Variants in SLC24A3 observed in about 807,000 individuals in gnomAD.
SLC24A3 encodes solute carrier family 24 member 3, also known as sodium/potassium/calcium exchanger 3.
In SLC24A3, 28 loss-of-function variants were observed where a neutral mutation model predicts 75.8. The observed-to-expected ratio is 0.37, with a 90% CI of 0.27 to 0.51. The LOEUF is 0.51. Ranked by LOEUF, SLC24A3 falls within the 20% of genes least tolerant of loss-of-function variation. The pLI, the probability that SLC24A3 is intolerant of heterozygous loss-of-function variation, is 0.94. For missense variants in SLC24A3, 663 were observed against 847.8 expected (o/e 0.78, Z 2.71); for synonymous variants, 372 against 334.1 (o/e 1.11, Z -1.24).
At chr20:19,546,864 C>T (rs2328409) in intron 3 of SLC24A3, among the ~76,000 whole-genome samples, 96,198 of 151,986 alleles carry the variant, frequency 0.63, 33,046 homozygotes, top group Non-Finnish European at 0.76. Flanking sequence ...AAGCATCCCC[C>T]ACGCCTTCCC....
intron 2 of SLC24A3, among the ~76,000 whole-genome samples, chr20:19,335,081 A>G (rs1322846919): frequency 6.6e-6 from 1 of 152,216 alleles, no homozygotes; most frequent in African/African-American, 2.4e-5. Flanking sequence ...GGACTGGAAT[A>G]TGACTGAAGA....
intron 2 of SLC24A3, among the ~76,000 whole-genome samples, chr20:19,306,522 A>G (rs1984333983): frequency 6.6e-6 from 1 of 152,206 alleles, no homozygotes; most frequent in Non-Finnish European, 1.5e-5. Context: ...ACACAGGCAT[A>G]AAAAAGAATG....
chr20:19,238,019 A>T (rs1200805405), intron 1 of SLC24A3, among the ~76,000 whole-genome samples: 2 of 152,192 alleles, frequency 1.3e-5, no homozygotes, highest in Admixed American at 1.3e-4. Context: ...TTACTTTTTT[A>T]AAACTTTTTT....
intron 16 of SLC24A3, among the ~76,000 whole-genome samples, chr20:19,717,914 T>C (rs1479095678): frequency 1.3e-5 from 2 of 152,246 alleles, no homozygotes; most frequent in Non-Finnish European, 2.9e-5. Flanking sequence ...CATTGATTGT[T>C]CCAGGTTCCC....
At chr20:19,669,546 G>A (rs1283471433) in intron 8 of SLC24A3, among the ~76,000 whole-genome samples, 2 of 152,048 alleles carry the variant, frequency 1.3e-5, no homozygotes, top group Non-Finnish European at 2.9e-5. Context: ...CACATATTAG[G>A]ATGTATGCTC....
At chr20:19,703,090 C>G (rs1167218768) in intron 15 of SLC24A3, among the ~76,000 whole-genome samples, 10 of 152,230 alleles carry the variant, frequency 6.6e-5, no homozygotes, top group African/African-American at 2.2e-4. Context: ...TAAAATCAGC[C>G]CCAGATCCTA....
intron 2 of SLC24A3, among the ~76,000 whole-genome samples, chr20:19,479,318 C>T (rs533236484): frequency 3.9e-5 from 6 of 152,362 alleles, no homozygotes; most frequent in African/African-American, 1.4e-4. Flanking sequence ...TTGCACACAG[C>T]TCTTCTTGGC....
intron 2 of SLC24A3, among the ~76,000 whole-genome samples, chr20:19,448,974 C>T (rs1419063228): frequency 6.6e-6 from 1 of 152,226 alleles, no homozygotes; most frequent in East Asian, 1.9e-4. Context: ...CATTCAGCCC[C>T]TCCTGGATGT....
In SLC24A3 at chr20:19,468,762, T is replaced by G. The variant is rs1181561795; in HGVS notation, c.272-46726T>G. ...ATAAATTGCTCGGATATGGCCCAGATTAAGTGTATGTTGGGTTTAACCATG... is the reference window on the plus strand; with the variant it reads ...ATAAATTGCTCGGATATGGCCCAGAGTAAGTGTATGTTGGGTTTAACCATG... On this transcript the variant is annotated intron_variant, in intron 2 of 16. Coordinates refer to ENST00000328041, the MANE Select transcript of SLC24A3 (RefSeq NM_020689.4). Among the ~76,000 whole-genome samples the G allele has an allele frequency of 4.6e-5, 7 of 152,254 alleles. No homozygotes were observed. In the East Asian group the frequency reaches 9.7e-4, roughly 21 times the overall value.
chr20:19,612,417 A>C (rs1295633223), intron 6 of SLC24A3, among the ~76,000 whole-genome samples: 1 of 152,186 alleles, frequency 6.6e-6, no homozygotes, highest in African/African-American at 2.4e-5. Flanking sequence ...GAGGATTTTT[A>C]ATGTGCACAA....
intron 2 of SLC24A3, among the ~76,000 whole-genome samples, chr20:19,457,435 C>G (rs144452497): frequency 1.6e-3 from 237 of 152,308 alleles, no homozygotes; most frequent in Middle Eastern, 0.01. Flanking sequence ...ACTTTTCACT[C>G]AAGATGAAAA....
rs566209961 is a variant in SLC24A3 at position 19,472,617 on chromosome 20, A to G, written c.272-42871A>G. Among the ~76,000 whole-genome samples the G allele has an allele frequency of 5.3e-5, 8 of 152,344 alleles. No individual in the cohort carries two copies. In the East Asian group the frequency reaches 1.5e-3, roughly 29 times the overall value. On this transcript the variant is annotated intron_variant, in intron 2 of 16. Coordinates refer to ENST00000328041, the MANE Select transcript of SLC24A3 (RefSeq NM_020689.4). ...CAGGGTCATACCCGTTTCCTTCACCAGACCTTCGTGGGAACTCTGGAATAG... is the reference window on the plus strand; with the variant it reads ...CAGGGTCATACCCGTTTCCTTCACCGGACCTTCGTGGGAACTCTGGAATAG...
At chr20:19,592,617 T>G (rs2031393666) in intron 6 of SLC24A3, among the ~76,000 whole-genome samples, 1 of 152,068 alleles carries the variant, frequency 6.6e-6, no homozygotes, top group African/African-American at 2.4e-5. Context: ...AGCAGGAACC[T>G]CTCGTGGCCA....
chr20:19,601,015 G>A (rs1191868820), intron 6 of SLC24A3, among the ~76,000 whole-genome samples: 2 of 152,080 alleles, frequency 1.3e-5, no homozygotes, highest in Non-Finnish European at 2.9e-5. Context: ...TCAAATCTTG[G>A]CCTCCCCACA....
In SLC24A3 at chr20:19,721,902, G is replaced by A. The variant is rs948404541; in HGVS notation, c.*762G>A. 1 of 152,654 alleles carries A rather than the reference G, an allele frequency of 6.6e-6. No individual in the cohort carries two copies. Among genetic ancestry groups the A allele is most frequent in the African/African-American group, 2.4e-5 (1 of 41,430 alleles). 9.5% of individuals were successfully genotyped at this position (152,654 alleles called of 1,614,324 possible). ...CTTATGGGCGTCCCCTGGGGTTGGG[G>A]GGGCACAAGGTTTTGGAGGAAGAAG... On this transcript the variant is annotated 3_prime_UTR_variant, in exon 17 of 17. Transcript: ENST00000328041.
intron 6 of SLC24A3, among the ~76,000 whole-genome samples, chr20:19,634,868 A>C (rs898334552): frequency 4.6e-5 from 7 of 152,234 alleles, no homozygotes; most frequent in Admixed American, 1.3e-4. Flanking sequence ...TTCACTGCTT[A>C]TAAATGATAC....
chr20:19,595,493 GA>G (rs746803238), intron 6 of SLC24A3, among the ~76,000 whole-genome samples: 17 of 152,186 alleles, frequency 1.1e-4, no homozygotes, highest in Non-Finnish European at 2.1e-4. Flanking sequence ...TGGATGCATG[GA>G]TGAATGAGTA....
intron 2 of SLC24A3, among the ~76,000 whole-genome samples, chr20:19,471,096 C>T (rs991496778): frequency 6.6e-6 from 1 of 152,066 alleles, no homozygotes; most frequent in Non-Finnish European, 1.5e-5. Flanking sequence ...TCTCAGGTTG[C>T]TATGTGGTAT....
intron 6 of SLC24A3, among the ~76,000 whole-genome samples, chr20:19,652,318 C>T (rs1010667411): frequency 6.6e-6 from 1 of 152,144 alleles, no homozygotes; most frequent in African/African-American, 2.4e-5. Flanking sequence ...TAAAGAAATT[C>T]AAAATTGATA....
Sources: gnomAD v4.1 joint callset for allele counts (sites outside exome capture counted in the v4.1 genomes callset) on GRCh38, gnomAD v4.1.1 for gene constraint, MANE v1.5 for transcripts, NCBI Gene and HGNC (gene_info 2026-07-23, HGNC 2026-07-21) for gene names.